EIF4G3: variants seen among roughly 807,000 people sequenced by gnomAD.
The protein encoded by EIF4G3 is eIF-4-gamma 3.
EIF4G3 carries 34 observed loss-of-function variants against 186.4 expected under a neutral mutation model. The observed-to-expected ratio is 0.18, with a 90% CI of 0.14 to 0.24. The LOEUF (loss-of-function observed/expected upper bound fraction) is 0.24, where lower values mean the gene tolerates loss of function less well. EIF4G3 is among the 10% of genes least tolerant of loss of function. The pLI is 1.00. For missense variants in EIF4G3, 1,536 were observed against 1,948.5 expected (o/e 0.79, Z 3.99); for synonymous variants, 673 against 679.5 (o/e 0.99, Z 0.15).
intron 3 of EIF4G3, among the ~76,000 whole-genome samples, chr1:21,078,827 A>T (rs1218586494): frequency 1.3e-5 from 2 of 152,152 alleles, no homozygotes; most frequent in Non-Finnish European, 2.9e-5. Flanking sequence ...TCTACTAAAA[A>T]TACAAAAATT....
intron 14 of EIF4G3, among the ~76,000 whole-genome samples, chr1:20,919,096 T>C (rs1471567676): frequency 6.6e-6 from 1 of 152,248 alleles, no homozygotes; most frequent in African/African-American, 2.4e-5. Context: ...CTTTATCCAA[T>C]CTTTTATTAG....
rs761664300 is a variant in EIF4G3 at position 20,942,202 on chromosome 1, G to A, written c.952C>T (p.Leu318Phe). Reference sequence around the variant, plus strand: ...GTGGTAGGTGATGGAGGCAGAGGAAGCTCTGCTATGGATACTATTGCAGTA... The same window carrying A: ...GTGGTAGGTGATGGAGGCAGAGGAAACTCTGCTATGGATACTATTGCAGTA... Reference protein sequence around the residue: ...ETTAIVSIAELPLPPSPTTVS... With the variant: ...ETTAIVSIAEFPLPPSPTTVS... The change falls in exon 14 of 37, where the codon CTT (leucine) becomes TTT (phenylalanine). Residue 318 changes from leucine to phenylalanine, a missense_variant. This residue lies in a region of EIF4G3 where 560 missense variants were observed against 547.8 expected (regional missense o/e 1.02). Transcript: ENST00000602326. The A allele has an allele frequency of 2.9e-5, 47 of 1,614,066 alleles. No homozygotes were observed. The highest frequency in any genetic ancestry group is 1.9e-4 in the African/African-American group (14 of 74,922).
At chr1:21,005,408 C>G (rs2084779142) in intron 4 of EIF4G3, among the ~76,000 whole-genome samples, 2 of 152,038 alleles carry the variant, frequency 1.3e-5, no homozygotes, top group African/African-American at 4.8e-5. Context: ...TGTCAAGATA[C>G]TAAATATAAC....
intron 2 of EIF4G3, among the ~76,000 whole-genome samples, chr1:21,104,543 T>C (rs939556640): frequency 6.6e-6 from 1 of 152,230 alleles, no homozygotes; most frequent in Non-Finnish European, 1.5e-5. Flanking sequence ...CCAGTCACGA[T>C]GGCCATTATT....
intron 3 of EIF4G3, 86 bp from the exon 4 acceptor site, chr1:21,051,080 G>C (rs1174568698): frequency 1.5e-6 from 1 of 687,128 alleles, no homozygotes; most frequent in South Asian, 1.6e-5. Context: ...TTTTTAATTG[G>C]ATTTCCTACC....
intron 2 of EIF4G3, among the ~76,000 whole-genome samples, chr1:21,137,054 TTTCC>T (rs10597504): frequency 0.97 from 147,005 of 151,940 alleles, 71,303 homozygotes; most frequent in East Asian, 1. Flanking sequence ...TTTTCCTGTT[TTTCC>T]CTTTTTACTT....
chr1:20,927,224 G>C (rs893984951), intron 14 of EIF4G3, among the ~76,000 whole-genome samples: 1 of 151,968 alleles, frequency 6.6e-6, no homozygotes, highest in Admixed American at 6.6e-5. Flanking sequence ...AATTGAGCAG[G>C]TTCCTTAATG....
At chr1:21,123,212 A>C (rs532988278) in intron 2 of EIF4G3, among the ~76,000 whole-genome samples, 8 of 152,304 alleles carry the variant, frequency 5.3e-5, no homozygotes, top group Non-Finnish European at 1.2e-4. Flanking sequence ...AATACAAGAC[A>C]TAACACTGTG....
chr1:20,985,116 A>C (rs1283246861), intron 7 of EIF4G3, among the ~76,000 whole-genome samples: 4 of 152,220 alleles, frequency 2.6e-5, no homozygotes, highest in Admixed American at 2.6e-4. Context: ...AAACCAGCAG[A>C]AATCTTTTCT....
intron 20 of EIF4G3, among the ~76,000 whole-genome samples, chr1:20,868,853 C>A (rs1247496188): frequency 6.6e-6 from 1 of 152,160 alleles, no homozygotes; most frequent in African/African-American, 2.4e-5. Context: ...AGTAAACTAA[C>A]AATGTGGCAT....
At chr1:20,854,485 C>T (rs1027591598) in intron 26 of EIF4G3, among the ~76,000 whole-genome samples, 3 of 149,336 alleles carry the variant, frequency 2.0e-5, no homozygotes, top group South Asian at 4.2e-4. Flanking sequence ...CTGCAGCCCA[C>T]GAGTGCAAGA....
At position 20,893,700 on chromosome 1, in the gene EIF4G3, AC is replaced by A. The variant is rs2086895412; in HGVS notation, c.2134-65del. The A allele has an allele frequency of 1.8e-5, 26 of 1,425,654 alleles. No individual in the cohort carries two copies. In the South Asian group the frequency reaches 4.1e-4, roughly 23 times the overall value. 88.3% of individuals were successfully genotyped at this position (1,425,654 alleles called of 1,614,324 possible). ...AGAGCATTCCCTGCCACAAAAGATA[AC>A]AAAAATTTTTACTGAAAAGTTACAT... On this transcript the variant is annotated intron_variant, in intron 17 of 36. Transcript: ENST00000602326.
chr1:20,951,973 C>T (rs957643135), intron 12 of EIF4G3, among the ~76,000 whole-genome samples: 4 of 152,036 alleles, frequency 2.6e-5, no homozygotes, highest in African/African-American at 9.7e-5. Context: ...TGTTAAGTTA[C>T]AATTTGAAAT....
intron 12 of EIF4G3, among the ~76,000 whole-genome samples, chr1:20,955,737 TG>T (rs2096394294): frequency 6.6e-6 from 1 of 152,032 alleles, no homozygotes; most frequent in Admixed American, 6.6e-5. Flanking sequence ...TGATGACACA[TG>T]GTAGAGAGGG....
At chr1:20,945,302 T>C (rs1236135039) in intron 13 of EIF4G3, among the ~76,000 whole-genome samples, 1 of 151,996 alleles carries the variant, frequency 6.6e-6, no homozygotes, top group Non-Finnish European at 1.5e-5. Flanking sequence ...ACACTATTTA[T>C]AATACAAGAA....
chr1:21,079,075 T>A (rs2095680221), intron 3 of EIF4G3, among the ~76,000 whole-genome samples: 1 of 152,122 alleles, frequency 6.6e-6, no homozygotes, highest in African/African-American at 2.4e-5. Context: ...ATGATTCTTC[T>A]AAAAAAAGTA....
At chr1:20,964,805 A>G (rs1263758661) in intron 12 of EIF4G3, among the ~76,000 whole-genome samples, 1 of 152,242 alleles carries the variant, frequency 6.6e-6, no homozygotes, top group Non-Finnish European at 1.5e-5. Context: ...TGACCATGAT[A>G]AAACCTAATG....
intron 34 of EIF4G3, 79 bp downstream of exon 34, chr1:20,817,313 T>A (rs1057299881): frequency 8.3e-6 from 7 of 839,882 alleles, no homozygotes; most frequent in Middle Eastern, 2.7e-4. Flanking sequence ...TGAAGTGAAC[T>A]GATAGGTAAG....
intron 19 of EIF4G3, among the ~76,000 whole-genome samples, chr1:20,883,209 C>T (rs958034994): frequency 6.6e-6 from 1 of 151,654 alleles, no homozygotes; most frequent in Non-Finnish European, 1.5e-5. Flanking sequence ...GTTGCAGGGA[C>T]AATACATTTA....
Sources: allele counts gnomAD v4.1 joint callset (sites outside exome capture counted in the v4.1 genomes callset), GRCh38; gene constraint gnomAD v4.1.1; regional missense constraint gnomAD v4.1.1; transcripts MANE v1.5; gene names NCBI Gene and HGNC (gene_info 2026-07-23, HGNC 2026-07-21).